The following ZBTB7C variants were observed in gnomAD, a reference collection of about 807,000 sequenced individuals.
The protein encoded by ZBTB7C is zinc finger and BTB domain-containing protein 7C.
A neutral mutation model predicts 25.7 loss-of-function variants in ZBTB7C; 8 were observed. The ratio of observed to expected loss-of-function variants is 0.31; its 90% CI spans 0.18 to 0.56. ZBTB7C has a LOEUF of 0.56. ZBTB7C is among the 20% of genes least tolerant of loss of function. The pLI, the probability that ZBTB7C is intolerant of heterozygous loss-of-function variation, is 0.91. For missense variants in ZBTB7C, 824 were observed against 855.2 expected (o/e 0.96, Z 0.46); for synonymous variants, 394 against 369.0 (o/e 1.07, Z -0.78).
At chr18:48,336,447 C>G (rs1040923838) in intron 2 of ZBTB7C, among the ~76,000 whole-genome samples, 2 of 152,198 alleles carry the variant, frequency 1.3e-5, no homozygotes, top group African/African-American at 2.4e-5. Context: ...ATTCTCCCCA[C>G]TAGTCTATGA....
intron 2 of ZBTB7C, among the ~76,000 whole-genome samples, chr18:48,227,401 C>T (rs545173251): frequency 1.3e-5 from 2 of 152,384 alleles, no homozygotes; most frequent in East Asian, 3.9e-4. Context: ...GCTGAGCAAG[C>T]TGCTCCACCC....
chr18:48,250,589 A>T (rs1401193921), intron 2 of ZBTB7C, among the ~76,000 whole-genome samples: 1 of 152,124 alleles, frequency 6.6e-6, no homozygotes, highest in African/African-American at 2.4e-5. Context: ...ACCCAGTCCC[A>T]AACTTGGAAT....
chr18:48,060,300 G>C (rs1295344758), intron 3 of ZBTB7C, among the ~76,000 whole-genome samples: 2 of 152,204 alleles, frequency 1.3e-5, no homozygotes, highest in East Asian at 3.8e-4. Flanking sequence ...AGAAAGGAAA[G>C]GCAGGGCATG....
chr18:48,373,490 G>T (rs1311193664), intron 1 of ZBTB7C, among the ~76,000 whole-genome samples: 2 of 151,716 alleles, frequency 1.3e-5, no homozygotes, highest in African/African-American at 4.8e-5. Context: ...AGGGCAGAAT[G>T]ATATAGTTTG....
In ZBTB7C at chr18:48,192,301, T is replaced by C. The variant is rs562643973; in HGVS notation, c.-78-6306A>G. Among the ~76,000 whole-genome samples the C allele has an allele frequency of 2.6e-5, 4 of 152,000 alleles. No individual in the cohort carries two copies. In the East Asian group the frequency reaches 7.7e-4, roughly 29 times the overall value. On this transcript the variant is annotated intron_variant, in intron 2 of 4. Transcript: ENST00000590800. Reference sequence around the variant, plus strand: ...TAAAAAGATCAGTGGTTGCCAGGGGTTGGGTGAGGAAGGGATCAATAGACA... The same window carrying C: ...TAAAAAGATCAGTGGTTGCCAGGGGCTGGGTGAGGAAGGGATCAATAGACA...
intron 3 of ZBTB7C, among the ~76,000 whole-genome samples, chr18:48,167,390 C>T (rs2144996482): frequency 6.6e-6 from 1 of 152,338 alleles, no homozygotes; most frequent in East Asian, 1.9e-4. Context: ...CCATCTCTTG[C>T]TTTTTCTCTT....
chr18:48,033,307 TACCTGGCTG>T (rs1433628669), intron 4 of ZBTB7C, among the ~76,000 whole-genome samples: 1 of 152,150 alleles, frequency 6.6e-6, no homozygotes, highest in East Asian at 1.9e-4. Flanking sequence ...CCTGGGGGGC[TACCTGGCTG>T]TGGTTTGTTT....
chr18:48,187,346 A>T (rs76499656), intron 2 of ZBTB7C, among the ~76,000 whole-genome samples: 9,504 of 152,300 alleles, frequency 0.062, 301 homozygotes, highest in Middle Eastern at 0.11. Context: ...AAATGTGGTA[A>T]ATACATACAG....
chr18:48,156,458 T>C (rs1004007221), intron 3 of ZBTB7C, among the ~76,000 whole-genome samples: 13 of 152,346 alleles, frequency 8.5e-5, no homozygotes, highest in African/African-American at 2.9e-4. Context: ...AGGATTCAGT[T>C]AGAGCTTGTC....
chr18:48,249,021 G>A (rs79336457), intron 2 of ZBTB7C, among the ~76,000 whole-genome samples: 2,551 of 152,058 alleles, frequency 0.017, 27 homozygotes, highest in South Asian at 0.037. Context: ...CAAATACATG[G>A]AGAAATAGTA....
chr18:48,342,211 G>T (rs1282277103), intron 1 of ZBTB7C, among the ~76,000 whole-genome samples: 1 of 152,232 alleles, frequency 6.6e-6, no homozygotes, highest in Non-Finnish European at 1.5e-5. Flanking sequence ...AAGGGATTGT[G>T]TTTATATTCA....
intron 3 of ZBTB7C, among the ~76,000 whole-genome samples, chr18:48,111,572 G>A (rs912961091): frequency 3.3e-5 from 5 of 152,202 alleles, no homozygotes; most frequent in African/African-American, 1.2e-4. Context: ...GAAGACCAGA[G>A]CCCTGGCTGG....
At chr18:48,229,448 G>A (rs1032197787) in intron 2 of ZBTB7C, among the ~76,000 whole-genome samples, 2 of 152,154 alleles carry the variant, frequency 1.3e-5, no homozygotes, top group East Asian at 1.9e-4. Context: ...GGAGAAATCT[G>A]CAGATAATCG....
intron 1 of ZBTB7C, among the ~76,000 whole-genome samples, chr18:48,358,668 G>A (rs2047033289): frequency 1.3e-5 from 2 of 152,164 alleles, no homozygotes; most frequent in Admixed American, 1.3e-4. Flanking sequence ...CCATGCTGCA[G>A]TAACAACAAA....
At chr18:48,317,297 T>C (rs1598856262) in intron 2 of ZBTB7C, among the ~76,000 whole-genome samples, 1 of 146,900 alleles carries the variant, frequency 6.8e-6, no homozygotes, top group Non-Finnish European at 1.5e-5. Context: ...TCAAAAAATG[T>C]GGCCCTTTCA....
At chr18:48,226,947 G>C (rs2043112208) in intron 2 of ZBTB7C, among the ~76,000 whole-genome samples, 1 of 150,156 alleles carries the variant, frequency 6.7e-6, no homozygotes, top group Non-Finnish European at 1.5e-5. Flanking sequence ...TTGAACCTGG[G>C]AGGTGGAGGT....
In ZBTB7C at chr18:48,034,924, C is replaced by T. The variant is rs989278317; in HGVS notation, c.1208+4976G>A. Among the ~76,000 whole-genome samples the T allele has an allele frequency of 7.9e-5, 12 of 152,194 alleles. 1 individual carries two copies. The highest frequency in any genetic ancestry group is 7.2e-4 in the Admixed American group (11 of 15,274). On this transcript the variant is annotated intron_variant, in intron 4 of 4. Coordinates refer to ENST00000590800, the MANE Select transcript of ZBTB7C (RefSeq NM_001318841.2). Reference sequence around the variant, plus strand: ...GCCTTGGCCTGAGGTCTGTGGCCTCCAGAAAGGCTCCCAATCAGGATAATG... The same window carrying T: ...GCCTTGGCCTGAGGTCTGTGGCCTCTAGAAAGGCTCCCAATCAGGATAATG...
chr18:48,347,429 T>C (rs958392788), intron 1 of ZBTB7C, among the ~76,000 whole-genome samples: 2 of 152,120 alleles, frequency 1.3e-5, no homozygotes, highest in Non-Finnish European at 2.9e-5. Context: ...TTTCCCTGCT[T>C]CCCCTAGGAA....
intron 3 of ZBTB7C, among the ~76,000 whole-genome samples, chr18:48,135,202 A>T (rs181445140): frequency 5.3e-4 from 81 of 152,370 alleles, no homozygotes; most frequent in African/African-American, 1.9e-3. Flanking sequence ...ATGTATGCCC[A>T]GCACTTAGCA....
Sources: gnomAD v4.1 joint callset for allele counts (sites outside exome capture counted in the v4.1 genomes callset) on GRCh38, gnomAD v4.1.1 for gene constraint, MANE v1.5 for transcripts, NCBI Gene and HGNC (gene_info 2026-07-23, HGNC 2026-07-21) for gene names.